PIK3AP1: variants seen among roughly 807,000 people sequenced by gnomAD.
The protein encoded by PIK3AP1 is phosphoinositide-3-kinase adaptor protein 1.
A neutral mutation model predicts 88.1 loss-of-function variants in PIK3AP1; 21 were observed. The observed-to-expected ratio is 0.24, with a 90% CI of 0.17 to 0.34. The LOEUF is 0.34. Ranked by LOEUF, PIK3AP1 falls within the 10% of genes least tolerant of loss-of-function variation. The pLI is 1.00. For synonymous variants in PIK3AP1, 398 were observed against 400.0 expected (o/e 1.00, Z 0.06); for missense variants, 828 against 1,035.7 (o/e 0.80, Z 2.75).
At chr10:96,652,893 G>C (rs751884881) in intron 3 of PIK3AP1, 51 bp from the exon 4 acceptor site, 2 of 1,591,396 alleles carry the variant, frequency 1.3e-6, no homozygotes, top group South Asian at 2.2e-5. Flanking sequence ...ATCCCCGTAG[G>C]GTGTTGGGCC....
At chr10:96,706,160 T>C (rs1429970201) in intron 2 of PIK3AP1, among the ~76,000 whole-genome samples, 2 of 152,296 alleles carry the variant, frequency 1.3e-5, no homozygotes, top group African/African-American at 4.8e-5. Flanking sequence ...CCCAAAGGGC[T>C]GGGATTACAG....
At chr10:96,664,877 T>C (rs1487152680) in intron 2 of PIK3AP1, among the ~76,000 whole-genome samples, 1 of 151,126 alleles carries the variant, frequency 6.6e-6, no homozygotes, top group Non-Finnish European at 1.5e-5. Context: ...AGGGCCAGGG[T>C]CCAAGCACTT....
chr10:96,676,660 T>G (rs1023988578), intron 2 of PIK3AP1, among the ~76,000 whole-genome samples: 37 of 151,736 alleles, frequency 2.4e-4, no homozygotes, highest in Non-Finnish European at 3.8e-4. Context: ...TGGGGTTTTT[T>G]TTTTTTTTTT....
intron 2 of PIK3AP1, 32 bp downstream of exon 2, chr10:96,709,535 A>C: frequency 6.4e-7 from 1 of 1,564,416 alleles, no homozygotes. Flanking sequence ...CAACTTTTCT[A>C]GGGCTTGCTT....
chr10:96,628,521 T>C, intron 8 of PIK3AP1, 28 bp from the exon 9 acceptor site: 3 of 1,539,344 alleles, frequency 1.9e-6, no homozygotes, highest in East Asian at 2.2e-5. Context: ...CTAAGAGTTA[T>C]ATATTGGTCT....
intron 2 of PIK3AP1, among the ~76,000 whole-genome samples, chr10:96,688,537 GC>G (rs1844106937): frequency 6.6e-6 from 1 of 152,154 alleles, no homozygotes; most frequent in African/African-American, 2.4e-5. Flanking sequence ...GGTGGCTCAC[GC>G]CTATAATCCC....
In PIK3AP1 at chr10:96,656,812, G is replaced by A. The variant is rs749289928; in HGVS notation, c.553C>T (p.Arg185Cys). Residue 185 changes from arginine (R) to cysteine (C), a missense_variant, in exon 3 of 17, where the codon CGC becomes TGC. Coordinates refer to ENST00000339364, the MANE Select transcript of PIK3AP1 (RefSeq NM_152309.3). ...GCAGTGCCTACCCCACAGCGAATGC[G>A]GTCCGGCTGCACCACCATCAGGTTC... ...PGNLMVVQPD[R>C]IRCGAETTVY... is the part of the protein sequence containing the mutation. The A allele has an allele frequency of 1.2e-6, 2 of 1,613,978 alleles. No homozygotes were observed. The highest frequency in any genetic ancestry group is 1.7e-5 in the Admixed American group (1 of 60,002).
chr10:96,681,098 G>A (rs1041452383), intron 2 of PIK3AP1, among the ~76,000 whole-genome samples: 48 of 152,318 alleles, frequency 3.2e-4, no homozygotes, highest in African/African-American at 1.2e-3. Context: ...GGTGTCAGCA[G>A]GGTTGTTTTT....
chr10:96,690,640 C>T (rs1283724901), intron 2 of PIK3AP1, among the ~76,000 whole-genome samples: 3 of 152,186 alleles, frequency 2.0e-5, no homozygotes, highest in African/African-American at 4.8e-5. Flanking sequence ...ATCTTTGTGT[C>T]GCATGATAAG....
rs574491148 is a variant in PIK3AP1, at chr10:96,615,388, G to A, written c.2014+1251C>T. Among the ~76,000 whole-genome samples, 4 of 152,184 alleles carry A rather than the reference G, an allele frequency of 2.6e-5. No individual in the cohort carries two copies. In the East Asian group the frequency reaches 7.7e-4, roughly 29 times the overall value. On this transcript the variant is annotated intron_variant, in intron 13 of 16. Transcript: ENST00000339364. ...GGCTACAATGGGTTAACTATAGAGGGGCAAGAGTGAACATGGGGAGATGAC... is the reference window on the plus strand; with the variant it reads ...GGCTACAATGGGTTAACTATAGAGGAGCAAGAGTGAACATGGGGAGATGAC...
chr10:96,634,001 G>C (rs976665411), intron 8 of PIK3AP1, among the ~76,000 whole-genome samples: 1 of 152,164 alleles, frequency 6.6e-6, no homozygotes, highest in African/African-American at 2.4e-5. Flanking sequence ...CCTTGGTGAA[G>C]GGTCTGCCAC....
At chr10:96,633,909 C>T (rs868439632) in intron 8 of PIK3AP1, among the ~76,000 whole-genome samples, 2 of 152,196 alleles carry the variant, frequency 1.3e-5, no homozygotes, top group African/African-American at 4.8e-5. Context: ...GACTCACAGA[C>T]AAGGCTAGCC....
intron 2 of PIK3AP1, among the ~76,000 whole-genome samples, chr10:96,689,465 G>C (rs1050854642): frequency 6.6e-6 from 1 of 150,980 alleles, no homozygotes; most frequent in Non-Finnish European, 1.5e-5. Flanking sequence ...AGCTACTCAG[G>C]AGGCCGAGGC....
Position 96,639,844 on chromosome 10 carries a change from G to A in PIK3AP1, c.1375+5629C>T, listed in dbSNP as rs538277951. Reference sequence around the variant, plus strand: ...ATAGGAGAGACAGTATGTTTCATAAGCAAACCAGTAATGTAGTCATTTTGC... The same window carrying A: ...ATAGGAGAGACAGTATGTTTCATAAACAAACCAGTAATGTAGTCATTTTGC... On this transcript the variant is annotated intron_variant, in intron 8 of 16. Transcript: ENST00000339364. Among the ~76,000 whole-genome samples the A allele has an allele frequency of 6.6e-5, 10 of 152,312 alleles. 1 individual carries two copies. The South Asian group carries it at 2.1e-3, about 32-fold the overall frequency.
chr10:96,610,763 G>A (rs7893530), intron 13 of PIK3AP1, among the ~76,000 whole-genome samples: 26,280 of 152,030 alleles, frequency 0.17, 2,785 homozygotes, highest in African/African-American at 0.3. Flanking sequence ...TGGGTTCTAG[G>A]AGCAGAAAAC....
At chr10:96,649,099 T>G (rs1334879968) in intron 6 of PIK3AP1, among the ~76,000 whole-genome samples, 1 of 152,100 alleles carries the variant, frequency 6.6e-6, no homozygotes, top group East Asian at 1.9e-4. Flanking sequence ...CAGGCTGGAG[T>G]GCAGTGGCGC....
At position 96,666,571 on chromosome 10, in the gene PIK3AP1, A is replaced by G. The variant is rs575727872; in HGVS notation, c.431-9637T>C. Among the ~76,000 whole-genome samples, 30 of 152,312 alleles carry G rather than the reference A, an allele frequency of 2.0e-4. No homozygotes were observed. In the South Asian group the frequency reaches 6.2e-3, roughly 32 times the overall value. On this transcript the variant is annotated intron_variant, in intron 2 of 16. Transcript: ENST00000339364. ...GGTCTGAAAAAAACTATGAATTTTA[A>G]ATGTAATAAATATATGTATGCATTT...
chr10:96,636,118 T>C (rs979589472), intron 8 of PIK3AP1, among the ~76,000 whole-genome samples: 11 of 149,602 alleles, frequency 7.4e-5, no homozygotes, highest in African/African-American at 2.5e-4. Context: ...AAAGAGAGGA[T>C]AGGCAGGAAA....
At chr10:96,661,643 AG>A (rs1843687261) in intron 2 of PIK3AP1, among the ~76,000 whole-genome samples, 1 of 152,188 alleles carries the variant, frequency 6.6e-6, no homozygotes, top group African/African-American at 2.4e-5. Flanking sequence ...AATATTAGCC[AG>A]GCATGGTGGC....
Sources: allele counts gnomAD v4.1 joint callset (sites outside exome capture counted in the v4.1 genomes callset), GRCh38; gene constraint gnomAD v4.1.1; transcripts MANE v1.5; gene names NCBI Gene and HGNC (gene_info 2026-07-23, HGNC 2026-07-21).